The following ITGA9 variants were observed in gnomAD, a reference collection of about 807,000 sequenced individuals.
ITGA9 encodes integrin alpha-9.
In ITGA9, 56 loss-of-function variants were observed where a neutral mutation model predicts 127.8. The observed-to-expected ratio is 0.44, with a 90% CI of 0.35 to 0.55. The LOEUF is 0.55. Among genes scored for constraint, ITGA9 ranks in the 20% least tolerant of loss-of-function variants. ITGA9 has a pLI of 0.00. For missense variants in ITGA9, 1,196 were observed against 1,347.1 expected (o/e 0.89, Z 1.76); for synonymous variants, 508 against 514.5 (o/e 0.99, Z 0.17).
At chr3:37,613,469 G>T (rs181130074) in intron 15 of ITGA9, among the ~76,000 whole-genome samples, 1 of 152,112 alleles carries the variant, frequency 6.6e-6, no homozygotes, top group Non-Finnish European at 1.5e-5. Context: ...AATCCTTTGG[G>T]TATATACCCA....
chr3:37,711,594 G>T (rs1407651389), intron 18 of ITGA9, among the ~76,000 whole-genome samples: 2 of 152,100 alleles, frequency 1.3e-5, no homozygotes, highest in East Asian at 3.9e-4. Flanking sequence ...CGTAGAGATG[G>T]TGTCTTGCTG....
chr3:37,769,231 G>A (rs568571983), intron 23 of ITGA9, among the ~76,000 whole-genome samples: 77 of 151,774 alleles, frequency 5.1e-4, no homozygotes, highest in African/African-American at 1.7e-3. Flanking sequence ...CCAGCTACTC[G>A]GGAGGCTGAG....
chr3:37,489,329 C>G (rs1156803473), intron 4 of ITGA9, among the ~76,000 whole-genome samples: 4 of 152,218 alleles, frequency 2.6e-5, no homozygotes, highest in African/African-American at 9.7e-5. Flanking sequence ...AAGTTGGGAG[C>G]CTTGCTCTTG....
At chr3:37,730,061 T>G (rs1696268715) in intron 18 of ITGA9, among the ~76,000 whole-genome samples, 1 of 152,150 alleles carries the variant, frequency 6.6e-6, no homozygotes. Flanking sequence ...TCTCCTGGTT[T>G]GAAAGGAATT....
rs554338396 is a variant in ITGA9 at position 37,782,473 on chromosome 3, T to C, written c.2787+2452T>C. On this transcript the variant is annotated intron_variant, in intron 25 of 27. Transcript: ENST00000264741. ...CCAGTAGAGCCGCAGGCAAGAGAGC[T>C]GAAAGCTGTAGGGTGTCATATGAAG... 3.3e-3 allele frequency among the ~76,000 whole-genome samples: 499 copies of C among 152,034 alleles called. 5 individuals are homozygous for C. The highest frequency in any genetic ancestry group is 0.011 in the African/African-American group (475 of 41,516).
intron 23 of ITGA9, among the ~76,000 whole-genome samples, chr3:37,756,951 G>A (rs1452323415): frequency 1.3e-5 from 2 of 149,170 alleles, no homozygotes; most frequent in Non-Finnish European, 2.9e-5. Context: ...AAGTTGAAGG[G>A]ATGAACAAAT....
At chr3:37,595,564 A>G (rs958710672) in intron 15 of ITGA9, among the ~76,000 whole-genome samples, 2 of 152,234 alleles carry the variant, frequency 1.3e-5, no homozygotes, top group Admixed American at 6.5e-5. Context: ...TTTAGTAATT[A>G]GAGGTGGCAC....
chr3:37,718,503 A>G (rs1391370465), intron 18 of ITGA9, among the ~76,000 whole-genome samples: 1 of 152,154 alleles, frequency 6.6e-6, no homozygotes, highest in Non-Finnish European at 1.5e-5. Context: ...CTAGGTCTCA[A>G]TCTCTTAACT....
At position 37,602,016 on chromosome 3, in the gene ITGA9, G is replaced by A. The variant is rs968068579; in HGVS notation, c.1690-27171G>A. On this transcript the variant is annotated intron_variant, in intron 15 of 27. Coordinates refer to ENST00000264741, the MANE Select transcript of ITGA9 (RefSeq NM_002207.3). Reference sequence around the variant, plus strand: ...GCCAGGCTCTTTTTAACAACCAGCTGTTGTAGGAGCACAGTGAGAACTGAC... The same window carrying A: ...GCCAGGCTCTTTTTAACAACCAGCTATTGTAGGAGCACAGTGAGAACTGAC... 3.9e-5 allele frequency among the ~76,000 whole-genome samples: 6 copies of A among 152,110 alleles called. No homozygotes were observed. The East Asian group carries it at 1.2e-3, about 29-fold the overall frequency.
chr3:37,735,041 G>A (rs552425912), intron 19 of ITGA9, among the ~76,000 whole-genome samples: 10 of 152,320 alleles, frequency 6.6e-5, no homozygotes, highest in Non-Finnish European at 1.5e-4. Flanking sequence ...CCAACCCTGA[G>A]GGTCCTCAGG....
chr3:37,764,466 TAAAAAAAA>T (rs10694316), intron 23 of ITGA9, among the ~76,000 whole-genome samples: 20 of 74,672 alleles, frequency 2.7e-4, no homozygotes, highest in Admixed American at 1.0e-3. Context: ...AGATTCTCAG[TAAAAAAAA>T]AAAAAAAAAA....
At chr3:37,693,725 T>C (rs998283866) in intron 18 of ITGA9, among the ~76,000 whole-genome samples, 1 of 152,206 alleles carries the variant, frequency 6.6e-6, no homozygotes, top group Non-Finnish European at 1.5e-5. Flanking sequence ...CAAAGCAAAT[T>C]GTGTTACAGC....
intron 4 of ITGA9, among the ~76,000 whole-genome samples, chr3:37,490,975 C>CCCT (rs548395527): frequency 0.039 from 4,051 of 104,942 alleles, 290 homozygotes; most frequent in Non-Finnish European, 0.054. Flanking sequence ...TTCCCCCCCG[C>CCCT]TTTTTTTTTT....
chr3:37,702,414 C>G (rs1306913576), intron 18 of ITGA9, among the ~76,000 whole-genome samples: 2 of 152,160 alleles, frequency 1.3e-5, no homozygotes, highest in Non-Finnish European at 2.9e-5. Context: ...CTGATGGGTT[C>G]CTGCCGATTG....
rs191630894 is a variant in ITGA9 at position 37,452,309 on chromosome 3, G to A, written c.-66G>A. ...CGGGGAGCTTCCTGGCCGTCGGCGG[G>A]CCCCGCGGCCCGCGCGCTCGGCGCC... On this transcript the variant is annotated 5_prime_UTR_variant, in exon 1 of 28. Transcript: ENST00000264741. The surrounding 1 kb of genome is among the most constrained non-coding windows in gnomAD (Gnocchi z 7.3). 4.9e-3 allele frequency: 4,488 copies of A among 923,396 alleles called. 161 individuals carry two copies. In the African/African-American group the frequency reaches 0.073, roughly 15 times the overall value. 57.2% of individuals were successfully genotyped at this position (923,396 alleles called of 1,614,324 possible). A position where few individuals can be genotyped will look rare whatever the true frequency, so the allele number is the denominator to read the frequency against.
intron 23 of ITGA9, among the ~76,000 whole-genome samples, chr3:37,771,818 T>C (rs931509330): frequency 5.3e-5 from 8 of 152,198 alleles, no homozygotes; most frequent in Admixed American, 2.6e-4. Flanking sequence ...TTTTTTTTGC[T>C]ACAGTGGTGG....
At chr3:37,524,008 C>G (rs957804764) in intron 12 of ITGA9, among the ~76,000 whole-genome samples, 1 of 152,158 alleles carries the variant, frequency 6.6e-6, no homozygotes, top group African/African-American at 2.4e-5. Context: ...GCCCCCTGCC[C>G]CTACTCTTGA....
intron 17 of ITGA9, among the ~76,000 whole-genome samples, chr3:37,655,769 A>G (rs543096770): frequency 1.9e-4 from 29 of 152,302 alleles, no homozygotes; most frequent in Non-Finnish European, 4.0e-4. Context: ...GTCTTTGCCC[A>G]TGCCTATGTC....
intron 17 of ITGA9, among the ~76,000 whole-genome samples, chr3:37,661,715 T>C (rs912888339): frequency 8.5e-5 from 13 of 152,188 alleles, no homozygotes; most frequent in Admixed American, 5.2e-4. Context: ...GCCAGGCAAG[T>C]GCTAGGCACT....
Sources: gnomAD v4.1 joint callset for allele counts (sites outside exome capture counted in the v4.1 genomes callset) on GRCh38, gnomAD v4.1.1 for gene constraint, Gnocchi (gnomAD v3.1) non-coding constraint, MANE v1.5 for transcripts, NCBI Gene and HGNC (gene_info 2026-07-23, HGNC 2026-07-21) for gene names.